PLAAT1: variants seen among roughly 807,000 people sequenced by gnomAD.
PLAAT1 encodes the protein H-REV107 protein-related protein.
In PLAAT1, 13 loss-of-function variants were observed where a neutral mutation model predicts 16.4. The ratio of observed to expected loss-of-function variants is 0.79; its 90% confidence interval spans 0.52 to 1.26. The LOEUF is 1.26. Ranked by LOEUF, PLAAT1 falls within the 50% of genes most tolerant of loss-of-function variation. PLAAT1 has a pLI of 0.00. For synonymous variants in PLAAT1, 73 were observed against 78.4 expected (o/e 0.93, Z 0.36); for missense variants, 218 against 207.8 (o/e 1.05, Z -0.30).
At chr3:193,252,759 T>C (rs550730585) in intron 1 of PLAAT1, among the ~76,000 whole-genome samples, 25 of 152,190 alleles carry the variant, frequency 1.6e-4, no homozygotes, top group Non-Finnish European at 3.2e-4. Flanking sequence ...GTTTATTTGT[T>C]TGTCTATGGA....
chr3:193,250,955 T>A (rs1448022003), intron 1 of PLAAT1, among the ~76,000 whole-genome samples: 1 of 152,094 alleles, frequency 6.6e-6, no homozygotes, highest in African/African-American at 2.4e-5. Flanking sequence ...GGTCTCCCAG[T>A]TTCTTTCAAC....
intron 2 of PLAAT1, among the ~76,000 whole-genome samples, chr3:193,259,279 A>T (rs551010939): frequency 1.3e-5 from 2 of 152,276 alleles, no homozygotes; most frequent in South Asian, 2.1e-4. Context: ...CACAGCCAAC[A>T]TCATACTGAA....
At chr3:193,266,429 T>A (rs1303182701) in intron 3 of PLAAT1, among the ~76,000 whole-genome samples, 1 of 152,208 alleles carries the variant, frequency 6.6e-6, no homozygotes, top group Non-Finnish European at 1.5e-5. Context: ...TCATTTCACC[T>A]TTCACATCTA....
At chr3:193,270,127 G>A (rs939559351) in intron 3 of PLAAT1, among the ~76,000 whole-genome samples, 2 of 150,066 alleles carry the variant, frequency 1.3e-5, no homozygotes, top group Non-Finnish European at 1.5e-5. Flanking sequence ...ACTTACTTTG[G>A]TGTAGACCCA....
At chr3:193,243,448 G>T (rs1232820074) in intron 1 of PLAAT1, among the ~76,000 whole-genome samples, 1 of 152,192 alleles carries the variant, frequency 6.6e-6, no homozygotes, top group Non-Finnish European at 1.5e-5. Context: ...AGGGATTCTG[G>T]AGCGAGGTTC....
downstream of PLAAT1, chr3:193,279,499 T>C (rs1205594344): frequency 4.6e-6 from 7 of 1,529,510 alleles, no homozygotes; most frequent in Admixed American, 1.7e-5. Context: ...AAAGAATGTT[T>C]CATATAATTT....
intron 2 of PLAAT1, among the ~76,000 whole-genome samples, chr3:193,261,828 T>A (rs966573476): frequency 1.3e-5 from 2 of 152,214 alleles, no homozygotes. Context: ...TTTCTAATTT[T>A]TGCATGTGGT....
intron 1 of PLAAT1, 77 bp downstream of exon 1, chr3:193,241,610 A>G: frequency 9.4e-7 from 1 of 1,058,414 alleles, no homozygotes; most frequent in Admixed American, 4.3e-5. Flanking sequence ...GCAAGTGGGA[A>G]AAGTTGACAT....
chr3:193,255,765 T>C lies in PLAAT1; in HGVS notation c.115T>C (p.Tyr39His), dbSNP rs137964301. Residue 39 changes from tyrosine to histidine, a missense_variant, in exon 2 of 4, where the codon TAC (tyrosine) becomes CAC (histidine). Transcript: ENST00000264735. The part of the protein sequence containing the change: ...QHWALYLGDG[Y>H]VINIAPVDGI... ...CTGGGCCCTGTACTTGGGTGATGGT[T>C]ACGTTATCAACATAGCACCTGTAGG... 1 of 1,610,712 alleles carries C rather than the reference T, an allele frequency of 6.2e-7. No homozygotes were observed.
At chr3:193,257,020 A>G (rs1716399357) in intron 2 of PLAAT1, among the ~76,000 whole-genome samples, 1 of 152,202 alleles carries the variant, frequency 6.6e-6, no homozygotes, top group South Asian at 2.1e-4. Context: ...TTTAACCACT[A>G]TTTAGACTCT....
At chr3:193,273,774 C>G (rs1431002036), downstream of PLAAT1, among the ~76,000 whole-genome samples, 5 of 151,862 alleles carry the variant, frequency 3.3e-5, no homozygotes, top group East Asian at 9.6e-4. Context: ...AAGGATGCAC[C>G]CTTTCATGTG....
chr3:193,249,183 G>A (rs73072872), intron 1 of PLAAT1, among the ~76,000 whole-genome samples: 1 of 151,884 alleles, frequency 6.6e-6, no homozygotes, highest in African/African-American at 2.4e-5. Flanking sequence ...GATCTGATGG[G>A]GGTCCCCTTT....
chr3:193,258,473 G>GT (rs1560102308), intron 2 of PLAAT1, among the ~76,000 whole-genome samples: 1 of 56,748 alleles, frequency 1.8e-5, no homozygotes, highest in African/African-American at 9.6e-5. Context: ...CAAAGAATTT[G>GT]TTTTTTGAAA....
At position 193,270,709 on chromosome 3, in the gene PLAAT1, T is replaced by C. The variant is rs1716959261; in HGVS notation, c.*4T>C. The C allele has an allele frequency of 1.2e-6, 2 of 1,611,262 alleles. No individual in the cohort carries two copies. Among genetic ancestry groups the C allele is most frequent in the Non-Finnish European group, 1.7e-6 (2 of 1,178,572 alleles). On this transcript the variant is annotated 3_prime_UTR_variant, in exon 4 of 4. Transcript: ENST00000264735. ...ACAAAGAGCAAAATACTATTAACAATTTACCAAAGAGATATTGATATTGAA... is the reference window on the plus strand; with the variant it reads ...ACAAAGAGCAAAATACTATTAACAACTTACCAAAGAGATATTGATATTGAA...
At chr3:193,279,298 G>A, downstream of PLAAT1, 4 of 1,245,648 alleles carry the variant, frequency 3.2e-6, no homozygotes, top group Admixed American at 3.6e-5. Context: ...TAATTGACTT[G>A]TGAATTACAA....
chr3:193,242,696 C>T (rs917089199), intron 1 of PLAAT1, among the ~76,000 whole-genome samples: 9 of 152,084 alleles, frequency 5.9e-5, no homozygotes, highest in African/African-American at 1.9e-4. Flanking sequence ...GAGTGGAACC[C>T]TCCTTTGTAG....
At chr3:193,243,163 G>A (rs112160592) in intron 1 of PLAAT1, among the ~76,000 whole-genome samples, 14 of 152,168 alleles carry the variant, frequency 9.2e-5, no homozygotes, top group African/African-American at 3.4e-4. Context: ...ATTATAAACT[G>A]TTCATACAGT....
chr3:193,261,059 ATTAAT>A (rs1716566230), intron 2 of PLAAT1, among the ~76,000 whole-genome samples: 3 of 152,198 alleles, frequency 2.0e-5, no homozygotes, highest in African/African-American at 2.4e-5. Context: ...ATGAGCACAA[ATTAAT>A]TTATTAACAA....
intron 3 of PLAAT1, among the ~76,000 whole-genome samples, chr3:193,268,640 A>G (rs1019274969): frequency 6.6e-6 from 1 of 152,220 alleles, no homozygotes; most frequent in African/African-American, 2.4e-5. Context: ...CATGAGATTC[A>G]TTATCTAGAA....
Sources: allele counts gnomAD v4.1 joint callset (sites outside exome capture counted in the v4.1 genomes callset), GRCh38; gene constraint gnomAD v4.1.1; transcripts MANE v1.5; gene names NCBI Gene and HGNC (gene_info 2026-07-23, HGNC 2026-07-21).